RPS6KA5: variants seen among roughly 807,000 people sequenced by gnomAD.
RPS6KA5 encodes ribosomal protein S6 kinase A5.
Under a neutral mutation model 85.5 loss-of-function variants are expected in RPS6KA5, and 27 were observed. The observed-to-expected ratio is 0.32, with a 90% CI of 0.23 to 0.44. The LOEUF (loss-of-function observed/expected upper bound fraction) is 0.44, where lower values mean the gene tolerates loss of function less well. RPS6KA5 is among the 20% of genes least tolerant of loss of function. The pLI is 1.00. For missense variants in RPS6KA5, 811 were observed against 980.9 expected, an observed-to-expected ratio of 0.83 and a Z score of 2.31; for synonymous variants, 334 against 348.2, an observed-to-expected ratio of 0.96 and a Z score of 0.46.
intron 1 of RPS6KA5, among the ~76,000 whole-genome samples, chr14:91,031,568 A>C (rs1227694106): frequency 6.6e-6 from 1 of 152,176 alleles, no homozygotes; most frequent in Non-Finnish European, 1.5e-5. Flanking sequence ...AAAAGAACTC[A>C]TGGGTTATCT....
Position 90,920,329 on chromosome 14 carries a change from T to C in RPS6KA5, c.703-20A>G. On this transcript the variant is annotated intron_variant, in intron 6 of 16. Coordinates refer to ENST00000614987, the MANE Select transcript of RPS6KA5 (RefSeq NM_004755.4). ...AACTGCCTATAAAACAACAATAATT[T>C]CATTTTATAGAATTATCAACTAAAA... The C allele has an allele frequency of 1.4e-6, 2 of 1,432,676 alleles. No homozygotes were observed. Among genetic ancestry groups the C allele is most frequent in the African/African-American group, 1.4e-5 (1 of 70,998 alleles). The allele number at this position is 1,432,676 out of a possible 1,614,324, so 88.7% of individuals were successfully genotyped here.
At position 90,859,919 on chromosome 14, in the gene RPS6KA5, C is replaced by T. The variant is rs1023916166; in HGVS notation, c.*12155G>A. ...AAGTGGGAGTTGAACAATGAGAACA[C>T]ATGGAAACAGGGAGGGGAACATCAC... On this transcript the variant is annotated 3_prime_UTR_variant, in exon 17 of 17. Transcript: ENST00000614987. The T allele has an allele frequency of 2.1e-5, 3 of 140,750 alleles. No individual in the cohort carries two copies. Among genetic ancestry groups the T allele is most frequent in the East Asian group, 2.1e-4 (1 of 4,854 alleles). The allele number at this position is 140,750 out of a possible 1,614,324, so 8.7% of individuals were successfully genotyped here.
chr14:91,060,272 CGCGTGCCCTCAG>C, intron 1 of RPS6KA5, 48 bp downstream of exon 1: 2 of 1,076,322 alleles, frequency 1.9e-6, no homozygotes, highest in Non-Finnish European at 2.3e-6. Flanking sequence ...CGCGGGCACC[CGCGTGCCCTCAG>C]GCGCGCCCCC....
chr14:90,991,269 A>T (rs996639246), intron 2 of RPS6KA5, among the ~76,000 whole-genome samples: 1 of 152,246 alleles, frequency 6.6e-6, no homozygotes, highest in Non-Finnish European at 1.5e-5. Flanking sequence ...ACAGAAAGGC[A>T]GACAGGTTAA....
chr14:90,953,014 G>A (rs890136357), intron 3 of RPS6KA5, among the ~76,000 whole-genome samples: 1 of 152,094 alleles, frequency 6.6e-6, no homozygotes, highest in Non-Finnish European at 1.5e-5. Flanking sequence ...TAGTGTGCTG[G>A]ACCAGTCAAA....
At chr14:91,010,903 G>A (rs890119647) in intron 1 of RPS6KA5, among the ~76,000 whole-genome samples, 1 of 152,042 alleles carries the variant, frequency 6.6e-6, no homozygotes, top group African/African-American at 2.4e-5. Flanking sequence ...ACAGAGAGAA[G>A]GATATGTTAA....
intron 6 of RPS6KA5, among the ~76,000 whole-genome samples, chr14:90,921,098 T>C (rs985072080): frequency 1.3e-5 from 2 of 152,126 alleles, no homozygotes; most frequent in Admixed American, 6.6e-5. Context: ...TTAATAACTA[T>C]TGAATAAATG....
At chr14:90,880,358 T>C (rs1432304772) in intron 14 of RPS6KA5, among the ~76,000 whole-genome samples, 1 of 152,226 alleles carries the variant, frequency 6.6e-6, no homozygotes, top group Admixed American at 6.5e-5. Context: ...CTAAGTATCT[T>C]TTCTGAACAT....
chr14:90,868,248 C>A lies in RPS6KA5; in HGVS notation c.*3826G>T, dbSNP rs912582287. The A allele has an allele frequency of 1.3e-5, 2 of 151,778 alleles. No individual in the cohort carries two copies. The highest frequency in any genetic ancestry group is 4.8e-5 in the African/African-American group (2 of 41,332). 9.4% of individuals were successfully genotyped at this position (151,778 alleles called of 1,614,324 possible). A position where few individuals can be genotyped will look rare whatever the true frequency, so the allele number is the denominator to read the frequency against. On this transcript the variant is annotated 3_prime_UTR_variant, in exon 17 of 17. Transcript: ENST00000614987. ...TCTGTTAAAATTTTTTTTTCCCATTCTTGAGTTTTACAATGTCTCCTATCC... is the reference window on the plus strand; with the variant it reads ...TCTGTTAAAATTTTTTTTTCCCATTATTGAGTTTTACAATGTCTCCTATCC...
At chr14:90,962,720 T>C (rs1668306339) in intron 3 of RPS6KA5, among the ~76,000 whole-genome samples, 1 of 152,166 alleles carries the variant, frequency 6.6e-6, no homozygotes, top group South Asian at 2.1e-4. Context: ...GATTCCAAAA[T>C]TGTAAGAACA....
At chr14:90,883,000 G>C (rs2033957711) in intron 14 of RPS6KA5, among the ~76,000 whole-genome samples, 1 of 152,024 alleles carries the variant, frequency 6.6e-6, no homozygotes, top group Middle Eastern at 3.2e-3. Context: ...GTTTCACCAT[G>C]TTGGCCAGGG....
At position 90,847,861 on chromosome 14, in the gene RPS6KA5, T is replaced by C. The variant is rs1382721015; in HGVS notation, c.*24213A>G. The C allele has an allele frequency of 6.6e-6, 1 of 152,120 alleles. No homozygotes were observed. The highest frequency in any genetic ancestry group is 1.5e-5 in the Non-Finnish European group (1 of 68,064). 9.4% of individuals were successfully genotyped at this position (152,120 alleles called of 1,614,324 possible). A position where few individuals can be genotyped will look rare whatever the true frequency, so the allele number is the denominator to read the frequency against. The stretch of plus-strand genomic sequence containing the variant: ...ACAAACCACAAGTCCAAGTCAGATA[T>C]CAGGCATTTGTACATTGACAGGTTT... On this transcript the variant is annotated 3_prime_UTR_variant, in exon 17 of 17. Coordinates refer to ENST00000614987, the MANE Select transcript of RPS6KA5 (RefSeq NM_004755.4).
At position 90,873,663 on chromosome 14, in the gene RPS6KA5, G is replaced by A. The variant is rs527985475; in HGVS notation, c.2129C>T (p.Ala710Val). 1 of 1,614,012 alleles carries A rather than the reference G, an allele frequency of 6.2e-7. No individual in the cohort carries two copies. The highest frequency in any genetic ancestry group is 8.5e-7 in the Non-Finnish European group (1 of 1,180,020). ...GGTTGCTTTCACACAGGTATGCACG[G>A]CAGCTCCGGAAGATCCTAGAATATC... ...TPDILGSSGA[A>V]VHTCVKATFH... The change falls in exon 16 of 17, where the codon GCC becomes GTC. Residue 710 changes from alanine (A) to valine (V), a missense_variant. Physicochemically the swap from Ala to Val is moderately conservative, Grantham distance 64. Transcript: ENST00000614987.
intron 2 of RPS6KA5, among the ~76,000 whole-genome samples, chr14:90,998,007 GAAAA>G (rs58227226): frequency 1.7e-5 from 1 of 59,902 alleles, no homozygotes. Flanking sequence ...GACTCTGTCT[GAAAA>G]AAAAAAAAAA....
intron 3 of RPS6KA5, among the ~76,000 whole-genome samples, chr14:90,960,603 T>C (rs1348187557): frequency 6.6e-6 from 1 of 152,164 alleles, no homozygotes; most frequent in East Asian, 1.9e-4. Flanking sequence ...AAAATACATA[T>C]TAAATAGCTC....
rs143530311 is a variant in RPS6KA5, at chr14:90,900,196, G to T, written c.1291C>A (p.Pro431Thr). 2.5e-6 allele frequency: 4 copies of T among 1,604,506 alleles called. No individual in the cohort carries two copies. Among genetic ancestry groups the T allele is most frequent in the Non-Finnish European group, 3.4e-6 (4 of 1,174,692 alleles). ...QHYDLDLKDK[P>T]LGEGSFSICR... The stretch of plus-strand genomic sequence containing the variant: ...ATTGAAAAACTACCTTCTCCCAGGG[G>T]TTTGTCCTTCAAATCTAGGTCATAG... The change falls in exon 11 of 17, where the codon CCC (proline) becomes ACC (threonine). Residue 431 changes from proline (P) to threonine (T), a missense_variant. Pro to Thr is a conservative substitution (Grantham distance 38). Transcript: ENST00000614987.
chr14:90,994,411 C>T (rs1360807062), intron 2 of RPS6KA5, among the ~76,000 whole-genome samples: 12 of 151,776 alleles, frequency 7.9e-5, no homozygotes, highest in African/African-American at 2.2e-4. Flanking sequence ...TGTATTATTC[C>T]GTAATATTAC....
intron 1 of RPS6KA5, among the ~76,000 whole-genome samples, chr14:91,027,996 T>C (rs1217184609): frequency 6.6e-6 from 1 of 152,156 alleles, no homozygotes; most frequent in African/African-American, 2.4e-5. Context: ...TAAAAGCATA[T>C]AAAAACTACA....
At chr14:91,052,465 TAAAA>T (rs71120103) in intron 1 of RPS6KA5, 158 of 132,604 alleles carry the variant, frequency 1.2e-3, no homozygotes, top group South Asian at 4.2e-3. Flanking sequence ...ACTCGTCTCT[TAAAA>T]AAAAAAAAAA....
Sources: gnomAD v4.1 joint callset for allele counts (sites outside exome capture counted in the v4.1 genomes callset) on GRCh38, gnomAD v4.1.1 for gene constraint, MANE v1.5 for transcripts, NCBI Gene and HGNC (gene_info 2026-07-23, HGNC 2026-07-21) for gene names.